PTPRO: variants seen among roughly 807,000 people sequenced by gnomAD.
The protein encoded by PTPRO is protein tyrosine phosphatase receptor type O.
PTPRO carries 62 observed loss-of-function variants against 145.2 expected under a neutral mutation model. That is an observed-to-expected ratio of 0.43 (90% CI 0.35 to 0.53). The LOEUF (loss-of-function observed/expected upper bound fraction) is 0.53. Among genes scored for constraint, PTPRO ranks in the 20% least tolerant of loss-of-function variants. The probability of loss-of-function intolerance (pLI) is 0.01; values close to 1 mark genes in which losing one functional copy is unlikely to be tolerated. For missense variants in PTPRO, 1,345 were observed against 1,482.7 expected (o/e 0.91, Z 1.53); for synonymous variants, 565 against 514.7 (o/e 1.10, Z -1.32).
intron 1 of PTPRO, among the ~76,000 whole-genome samples, chr12:15,334,207 T>G (rs1440495570): frequency 1.3e-5 from 2 of 152,224 alleles, no homozygotes; most frequent in Non-Finnish European, 2.9e-5. Context: ...TTTTGGAAAT[T>G]TTATTGTTTA....
chr12:15,471,906 A>G (rs1941550403), intron 1 of PTPRO, among the ~76,000 whole-genome samples: 1 of 152,180 alleles, frequency 6.6e-6, no homozygotes, highest in Non-Finnish European at 1.5e-5. Flanking sequence ...TGGCGAGTGT[A>G]GCCCCGGGAC....
chr12:15,381,710 C>T (rs968072785), intron 1 of PTPRO, among the ~76,000 whole-genome samples: 1 of 152,134 alleles, frequency 6.6e-6, no homozygotes, highest in African/African-American at 2.4e-5. Context: ...AATTTGCTAA[C>T]ATATGTACTT....
At chr12:15,362,711 T>C (rs1198149450) in intron 1 of PTPRO, among the ~76,000 whole-genome samples, 1 of 152,034 alleles carries the variant, frequency 6.6e-6, no homozygotes, top group Non-Finnish European at 1.5e-5. Flanking sequence ...AAAAAAAAGA[T>C]CTAATCTCCA....
chr12:15,568,677 T>A (rs1160596517), intron 18 of PTPRO, among the ~76,000 whole-genome samples: 1 of 151,042 alleles, frequency 6.6e-6, no homozygotes, highest in Non-Finnish European at 1.5e-5. Flanking sequence ...AAAACTTGAT[T>A]CTTATTCTCA....
Position 15,439,888 on chromosome 12 carries a change from C to T in PTPRO, c.76-44086C>T, listed in dbSNP as rs1428446528. The T allele has an allele frequency of 1.8e-5, 12 of 652,892 alleles. No individual in the cohort carries two copies. The East Asian group carries it at 3.3e-4, about 18-fold the overall frequency. 40.4% of individuals were successfully genotyped at this position (652,892 alleles called of 1,614,324 possible). ...AGCAGACCCACGTCGGCCAGCACAC[C>T]AAGTTCAAGGTGTTTGTTGCCATTG... On this transcript the variant is annotated intron_variant, in intron 1 of 26. Transcript: ENST00000281171.
Position 15,501,729 on chromosome 12 carries a change from T to C in PTPRO, c.771T>C (p.Asp257=), listed in dbSNP as rs1217843728. The change falls in exon 5 of 27, where the codon GAT becomes GAC. Residue 257 remains aspartate (D), a synonymous_variant. Transcript: ENST00000281171. ...FPEESFMRSQ[D]TIGKEKLFHF... ...AAGAATCCTTCATGAGATCACAAGATACAATAGGAAAAGAAAAACTCTTCC... is the reference window on the plus strand; with the variant it reads ...AAGAATCCTTCATGAGATCACAAGACACAATAGGAAAAGAAAAACTCTTCC... 46 of 1,613,816 alleles carry C rather than the reference T, an allele frequency of 2.9e-5. No homozygotes were observed. Among genetic ancestry groups the C allele is most frequent in the Non-Finnish European group, 3.9e-5 (46 of 1,179,892 alleles).
At chr12:15,551,697 A>C (rs1480377766) in intron 15 of PTPRO, 26 bp downstream of exon 15, 1 of 1,608,040 alleles carries the variant, frequency 6.2e-7, no homozygotes, top group Non-Finnish European at 8.5e-7. Flanking sequence ...CTAATATTTT[A>C]TCCGGAATCT....
chr12:15,581,686 G>A lies in PTPRO; in HGVS notation c.3140G>A (p.Cys1047Tyr). The change falls in exon 23 of 27, where the codon TGT becomes TAT. Residue 1047 changes from cysteine to tyrosine, a missense_variant. Physicochemically the swap from Cys to Tyr is radical, Grantham distance 194 (BLOSUM62 -2). Coordinates refer to ENST00000281171, the MANE Select transcript of PTPRO (RefSeq NM_030667.3). Reference sequence around the variant, plus strand: ...GTTTTGTCCTTGCTCCAGGTGAAATGTGACCATTACTGGCCATTCACGGAA... The same window carrying A: ...GTTTTGTCCTTGCTCCAGGTGAAATATGACCATTACTGGCCATTCACGGAA... ...TQCNEKRRVK[C>Y]DHYWPFTEEP... 6.2e-7 allele frequency: 1 copy of A among 1,613,986 alleles called. No individual in the cohort carries two copies. The highest frequency in any genetic ancestry group is 8.5e-7 in the Non-Finnish European group (1 of 1,179,880).
chr12:15,424,398 T>G (rs1277921083), intron 1 of PTPRO, among the ~76,000 whole-genome samples: 2 of 152,152 alleles, frequency 1.3e-5, no homozygotes, highest in African/African-American at 4.8e-5. Flanking sequence ...ATGGAATCAA[T>G]TTGTAGTTAT....
intron 1 of PTPRO, among the ~76,000 whole-genome samples, chr12:15,389,811 T>C (rs1939139337): frequency 6.6e-6 from 1 of 152,204 alleles, no homozygotes; most frequent in African/African-American, 2.4e-5. Flanking sequence ...TTAGTTACCC[T>C]GGCTCAAGAA....
rs1471468390 is a variant in PTPRO, at chr12:15,581,911, C to T, written c.3255+110C>T. ...GCGCTAGAGGAATTACAGACACACA[C>T]ACAAAAATATCGAGTGTGGAGTGGG... On this transcript the variant is annotated intron_variant, in intron 23 of 26. Transcript: ENST00000281171. The T allele has an allele frequency of 1.3e-5, 18 of 1,412,518 alleles. No homozygotes were observed. In the East Asian group the frequency reaches 4.1e-4, roughly 32 times the overall value. The allele number at this position is 1,412,518 out of a possible 1,614,324, so 87.5% of individuals were successfully genotyped here.
intron 7 of PTPRO, among the ~76,000 whole-genome samples, chr12:15,510,502 A>C (rs2284433): frequency 0.68 from 102,698 of 152,064 alleles, 35,239 homozygotes; most frequent in Admixed American, 0.74. Context: ...CATAAGAATA[A>C]AAAGGCTAAA....
Position 15,597,239 on chromosome 12 carries a change from A to ATTG in PTPRO, c.*1168_*1170dup, listed in dbSNP as rs1944676597. The ATTG allele has an allele frequency of 6.6e-6, 1 of 152,222 alleles. No homozygotes were observed. The highest frequency in any genetic ancestry group is 6.5e-5 in the Admixed American group (1 of 15,286). 9.4% of individuals were successfully genotyped at this position (152,222 alleles called of 1,614,324 possible). A position where few individuals can be genotyped will look rare whatever the true frequency, so the allele number is the denominator to read the frequency against. On this transcript the variant is annotated 3_prime_UTR_variant, in exon 27 of 27. Transcript: ENST00000281171. ...GTATAATTACAGTACATGATTGTGTATTGTGACATGAATGCTGTCAAAATG... is the reference window on the plus strand; with the variant it reads ...GTATAATTACAGTACATGATTGTGTATTGTTGTGACATGAATGCTGTCAAAATG...
chr12:15,545,979 C>A (rs1163263236), intron 12 of PTPRO, among the ~76,000 whole-genome samples: 1 of 150,874 alleles, frequency 6.6e-6, no homozygotes, highest in East Asian at 1.9e-4. Context: ...CGCACTACTG[C>A]ACTCCAGCCT....
intron 6 of PTPRO, among the ~76,000 whole-genome samples, chr12:15,505,724 G>A (rs1472508290): frequency 6.6e-6 from 1 of 152,160 alleles, no homozygotes; most frequent in African/African-American, 2.4e-5. Context: ...GGTGGCTTAC[G>A]TTTGCTCAGC....
chr12:15,473,343 G>T (rs576297342), intron 1 of PTPRO, among the ~76,000 whole-genome samples: 54 of 152,232 alleles, frequency 3.5e-4, no homozygotes, highest in African/African-American at 1.2e-3. Context: ...TTGCCACTTA[G>T]CTCATGCTTG....
rs538976812 is a variant in PTPRO at position 15,575,834 on chromosome 12, AG to A, written c.2830-3018del. 1.6e-4 allele frequency among the ~76,000 whole-genome samples: 24 copies of A among 152,332 alleles called. No individual in the cohort carries two copies. The East Asian group carries it at 4.6e-3, about 29-fold the overall frequency. The stretch of plus-strand genomic sequence containing the variant: ...GCCTCTTTCAGCTTCTGTTGGCCAC[AG>A]CAATTCCTTGGCTTGCAGCTGCATA... On this transcript the variant is annotated intron_variant, in intron 19 of 26. Coordinates refer to ENST00000281171, the MANE Select transcript of PTPRO (RefSeq NM_030667.3).
chr12:15,373,915 C>T (rs1565593124), intron 1 of PTPRO, among the ~76,000 whole-genome samples: 1 of 152,160 alleles, frequency 6.6e-6, no homozygotes, highest in South Asian at 2.1e-4. Flanking sequence ...ATTTTGTACT[C>T]ACAAATGTAT....
At chr12:15,465,852 TGCTAA>T (rs1565646044) in intron 1 of PTPRO, among the ~76,000 whole-genome samples, 11 of 152,112 alleles carry the variant, frequency 7.2e-5, no homozygotes. Flanking sequence ...AGGTTTTGAG[TGCTAA>T]GCTAAGTAAT....
Sources: gnomAD v4.1 joint callset for allele counts (sites outside exome capture counted in the v4.1 genomes callset) on GRCh38, gnomAD v4.1.1 for gene constraint, MANE v1.5 for transcripts, NCBI Gene and HGNC (gene_info 2026-07-23, HGNC 2026-07-21) for gene names.